GRM7: variants seen among roughly 807,000 people sequenced by gnomAD.
GRM7 encodes glutamate metabotropic receptor 7, also known as metabotropic glutamate receptor 7.
GRM7 carries 35 observed loss-of-function variants against 84.5 expected under a neutral mutation model. That is an observed-to-expected ratio of 0.41 (90% CI 0.32 to 0.55). GRM7 has a LOEUF of 0.55. GRM7 is among the 20% of genes least tolerant of loss of function. The pLI is 0.19. For missense variants in GRM7, 1,003 were observed against 1,194.6 expected (o/e 0.84, Z 2.36); for synonymous variants, 487 against 455.1 (o/e 1.07, Z -0.89).
chr3:7,518,212 T>C (rs1415834442), intron 7 of GRM7, among the ~76,000 whole-genome samples: 1 of 152,200 alleles, frequency 6.6e-6, no homozygotes, highest in African/African-American at 2.4e-5. Flanking sequence ...GCAAGCGGCT[T>C]CAATGTCTTC....
At chr3:7,452,375 T>C (rs984493053) in intron 5 of GRM7, among the ~76,000 whole-genome samples, 7 of 152,196 alleles carry the variant, frequency 4.6e-5, no homozygotes, top group African/African-American at 1.7e-4. Context: ...GTATGTAAGG[T>C]GTCACAAAGT....
chr3:7,347,936 G>A (rs562795878), intron 4 of GRM7, among the ~76,000 whole-genome samples: 1 of 152,268 alleles, frequency 6.6e-6, no homozygotes, highest in Admixed American at 6.5e-5. Context: ...TTACAGCAAA[G>A]CATTGTGCTG....
intron 1 of GRM7, among the ~76,000 whole-genome samples, chr3:7,046,787 A>G (rs1227644046): frequency 6.6e-6 from 1 of 152,098 alleles, no homozygotes; most frequent in Non-Finnish European, 1.5e-5. Context: ...GTTTCTGGAA[A>G]AGAGAATGTC....
chr3:6,989,438 C>G (rs1694550014), intron 1 of GRM7, among the ~76,000 whole-genome samples: 1 of 152,146 alleles, frequency 6.6e-6, no homozygotes, highest in Non-Finnish European at 1.5e-5. Context: ...ATCCAGTCTT[C>G]TATTTTGTAT....
At chr3:6,927,463 GAGAAAGAAAGAAAGAAAGAA>G (rs796767040) in intron 1 of GRM7, among the ~76,000 whole-genome samples, 11 of 93,300 alleles carry the variant, frequency 1.2e-4, no homozygotes, top group South Asian at 3.5e-4. Context: ...GAAAGAGAGA[GAGAAAGAAAGAAAGAAAGAA>G]AGAAAGAAAG....
rs1433783089 is a variant in GRM7, at chr3:6,861,966, A to T, written c.519+59A>T. On this transcript the variant is annotated intron_variant, in intron 1 of 9. Coordinates refer to ENST00000357716, the MANE Select transcript of GRM7 (RefSeq NM_000844.4). The surrounding 1 kb of genome is among the most constrained non-coding windows in gnomAD (Gnocchi z 6.4). Reference sequence around the variant, plus strand: ...AGTGGCTACCTGCGCCCTTAACCCTAAAAGCTGGCTTGGACTCCGGTGGTG... The same window carrying T: ...AGTGGCTACCTGCGCCCTTAACCCTTAAAGCTGGCTTGGACTCCGGTGGTG... 1 of 1,455,616 alleles carries T rather than the reference A, an allele frequency of 6.9e-7. No individual in the cohort carries two copies. The highest frequency in any genetic ancestry group is 9.4e-7 in the Non-Finnish European group (1 of 1,064,868). 90.2% of individuals were successfully genotyped at this position (1,455,616 alleles called of 1,614,324 possible).
At chr3:7,439,448 C>T (rs1212081488) in intron 5 of GRM7, among the ~76,000 whole-genome samples, 1 of 152,150 alleles carries the variant, frequency 6.6e-6, no homozygotes, top group African/African-American at 2.4e-5. Flanking sequence ...GATACTCTGG[C>T]TACTACTGTT....
At chr3:7,047,684 T>C (rs1696852207) in intron 1 of GRM7, among the ~76,000 whole-genome samples, 1 of 152,110 alleles carries the variant, frequency 6.6e-6, no homozygotes, top group African/African-American at 2.4e-5. Context: ...TCCAGTGTCC[T>C]GGATTCTACG....
intron 7 of GRM7, among the ~76,000 whole-genome samples, chr3:7,466,668 A>T (rs1314502473): frequency 1.3e-5 from 2 of 152,240 alleles, no homozygotes; most frequent in Non-Finnish European, 2.9e-5. Context: ...GAAAGGAACT[A>T]TTCTTAATAG....
At chr3:7,220,344 C>G (rs546749292) in intron 2 of GRM7, among the ~76,000 whole-genome samples, 11 of 152,134 alleles carry the variant, frequency 7.2e-5, no homozygotes, top group Non-Finnish European at 1.3e-4. Context: ...TCCCTTGACA[C>G]GTTGTAATGA....
intron 8 of GRM7, among the ~76,000 whole-genome samples, chr3:7,587,914 C>A (rs757148778): frequency 1.3e-5 from 2 of 152,064 alleles, no homozygotes; most frequent in Non-Finnish European, 2.9e-5. Flanking sequence ...CCAGTGAACC[C>A]CTTATACCAA....
At chr3:7,264,741 T>A (rs1048918363) in intron 2 of GRM7, among the ~76,000 whole-genome samples, 71 of 152,146 alleles carry the variant, frequency 4.7e-4, no homozygotes, top group African/African-American at 1.6e-3. Context: ...TCTGCTTTCA[T>A]TTCCTAGCTT....
intron 2 of GRM7, among the ~76,000 whole-genome samples, chr3:7,286,912 G>A (rs1402029051): frequency 1.3e-5 from 2 of 152,014 alleles, no homozygotes; most frequent in African/African-American, 2.4e-5. Context: ...AAATCCTGTG[G>A]CAAAAATAAT....
At chr3:7,253,112 T>C (rs73809031) in intron 2 of GRM7, among the ~76,000 whole-genome samples, 4,340 of 151,326 alleles carry the variant, frequency 0.029, 193 homozygotes, top group African/African-American at 0.098. Context: ...GATGGCTGTA[T>C]GGATACACCA....
intron 9 of GRM7, among the ~76,000 whole-genome samples, chr3:7,711,349 G>T (rs1277835714): frequency 6.6e-6 from 1 of 152,158 alleles, no homozygotes; most frequent in Non-Finnish European, 1.5e-5. Context: ...CGTACAGCAA[G>T]TTCAAAGGCC....
chr3:7,712,617 G>GATTTTT (rs1222336673), intron 9 of GRM7, among the ~76,000 whole-genome samples: 2 of 149,802 alleles, frequency 1.3e-5, no homozygotes, highest in Non-Finnish European at 3.0e-5. Flanking sequence ...ATTTGGTTTT[G>GATTTTT]ATTTTTATTT....
chr3:6,867,163 G>C (rs757219297), intron 1 of GRM7, among the ~76,000 whole-genome samples: 1 of 152,152 alleles, frequency 6.6e-6, no homozygotes, highest in Non-Finnish European at 1.5e-5. Context: ...ACTATTTTGA[G>C]TTTGATTTTA....
intron 7 of GRM7, among the ~76,000 whole-genome samples, chr3:7,569,657 A>G (rs562523346): frequency 1.3e-5 from 2 of 152,158 alleles, no homozygotes; most frequent in Admixed American, 1.3e-4. Context: ...CACTGCCTTT[A>G]TGAGCTGTAA....
intron 8 of GRM7, among the ~76,000 whole-genome samples, chr3:7,611,073 A>G (rs1305821207): frequency 6.6e-6 from 1 of 152,154 alleles, no homozygotes; most frequent in Non-Finnish European, 1.5e-5. Flanking sequence ...TACCTCATGG[A>G]TCACATCCAA....
Sources: allele counts gnomAD v4.1 joint callset (sites outside exome capture counted in the v4.1 genomes callset), GRCh38; gene constraint gnomAD v4.1.1; non-coding constraint Gnocchi (gnomAD v3.1); transcripts MANE v1.5; gene names NCBI Gene and HGNC (gene_info 2026-07-23, HGNC 2026-07-21).